The following DIP2C variants were observed in gnomAD, a reference collection of about 807,000 sequenced individuals.
DIP2C encodes the protein DIP2 acetate--CoA ligase C (putative), also known as disco-interacting protein 2 homolog C.
A neutral mutation model predicts 192.4 loss-of-function variants in DIP2C; 33 were observed. The observed-to-expected ratio is 0.17, with a 90% confidence interval of 0.13 to 0.23. The LOEUF is 0.23. Ranked by LOEUF, DIP2C falls within the 10% of genes least tolerant of loss-of-function variation. The probability of loss-of-function intolerance (pLI) is 1.00; values close to 1 mark genes in which losing one functional copy is unlikely to be tolerated. For missense variants in DIP2C, 1,537 were observed against 2,110.1 expected (o/e 0.73, Z 5.32); for synonymous variants, 979 against 864.1 (o/e 1.13, Z -2.33).
At chr10:397,089 C>T (rs539609045) in intron 10 of DIP2C, among the ~76,000 whole-genome samples, 1 of 152,332 alleles carries the variant, frequency 6.6e-6, no homozygotes, top group South Asian at 2.1e-4. Context: ...GAGATACCCA[C>T]GTGGCAGATG....
intron 1 of DIP2C, among the ~76,000 whole-genome samples, chr10:523,993 G>C (rs1846898215): frequency 2.0e-5 from 3 of 152,326 alleles, no homozygotes; most frequent in African/African-American, 7.2e-5. Flanking sequence ...GGTCAGCAAA[G>C]GGTGGCTGGG....
At chr10:558,921 A>AC in intron 1 of DIP2C, among the ~76,000 whole-genome samples, 1 of 151,574 alleles carries the variant, frequency 6.6e-6, no homozygotes, top group Non-Finnish European at 1.5e-5. Context: ...ACCACGGACC[A>AC]CCCGACCCCT....
chr10:368,672 T>A (rs1216878329), intron 18 of DIP2C, among the ~76,000 whole-genome samples: 5 of 152,220 alleles, frequency 3.3e-5, no homozygotes, highest in Non-Finnish European at 7.4e-5. Flanking sequence ...CGAGGGTCCC[T>A]GCTGAGGCCC....
intron 24 of DIP2C, among the ~76,000 whole-genome samples, chr10:351,195 A>G (rs1958792075): frequency 6.6e-6 from 1 of 152,170 alleles, no homozygotes; most frequent in Non-Finnish European, 1.5e-5. Flanking sequence ...CGCACGGACG[A>G]ACAGTATCTG....
Position 625,226 on chromosome 10 carries a change from C to G in DIP2C, c.85+64268G>C, listed in dbSNP as rs977658848. Among the ~76,000 whole-genome samples the G allele has an allele frequency of 2.6e-5, 4 of 152,300 alleles. No homozygotes were observed. The East Asian group carries it at 7.7e-4, about 29-fold the overall frequency. On this transcript the variant is annotated intron_variant, in intron 1 of 36. Transcript: ENST00000280886. ...AACAAGCCCTTCATTATCACGGCCG[C>G]AAGCCTCTGCGCAGCCCTCCTCCCC... is the stretch of plus-strand genomic sequence containing the variant.
At chr10:505,094 G>A (rs1234504656) in intron 1 of DIP2C, among the ~76,000 whole-genome samples, 1 of 152,152 alleles carries the variant, frequency 6.6e-6, no homozygotes, top group African/African-American at 2.4e-5. Flanking sequence ...CTGCAGCCCA[G>A]CACCCTTCCC....
intron 1 of DIP2C, among the ~76,000 whole-genome samples, chr10:598,217 C>T (rs1851834491): frequency 6.6e-6 from 1 of 152,188 alleles, no homozygotes; most frequent in African/African-American, 2.4e-5. Flanking sequence ...CCACCAAGGG[C>T]CACGAGGGCC....
At chr10:583,235 A>AGG in intron 1 of DIP2C, among the ~76,000 whole-genome samples, 1 of 152,240 alleles carries the variant, frequency 6.6e-6, no homozygotes, top group East Asian at 1.9e-4. Context: ...TGAAAAGCCA[A>AGG]GGGGCATGCA....
chr10:650,471 G>A, intron 1 of DIP2C: 1 of 705,476 alleles, frequency 1.4e-6, no homozygotes, highest in South Asian at 1.5e-5. Context: ...GTTCCTAAGA[G>A]AGTCCACGGC....
chr10:459,385 G>A (rs1472498201), intron 3 of DIP2C, among the ~76,000 whole-genome samples: 3 of 152,082 alleles, frequency 2.0e-5, no homozygotes, highest in East Asian at 1.9e-4. Flanking sequence ...ACACGGGACC[G>A]GGACATTCTA....
Position 588,711 on chromosome 10 carries a change from G to A in DIP2C, c.85+100783C>T, listed in dbSNP as rs372866484. 2.8e-4 allele frequency among the ~76,000 whole-genome samples: 43 copies of A among 152,336 alleles called. 2 individuals carry two copies. The East Asian group carries it at 6.2e-3, about 22-fold the overall frequency. The stretch of plus-strand genomic sequence containing the variant: ...CAGCCTTCGAGCTCCTCCAGCTGCC[G>A]TCCCGCAGGCGGGGAGGGTGGTGCC... On this transcript the variant is annotated intron_variant, in intron 1 of 36. Coordinates refer to ENST00000280886, the MANE Select transcript of DIP2C (RefSeq NM_014974.3).
At chr10:379,376 G>A (rs904582310) in intron 17 of DIP2C, among the ~76,000 whole-genome samples, 1 of 151,944 alleles carries the variant, frequency 6.6e-6, no homozygotes, top group Non-Finnish European at 1.5e-5. Flanking sequence ...AGAACTTTCC[G>A]ACATGCTCTG....
At chr10:296,364 C>T (rs59135992) in intron 32 of DIP2C, among the ~76,000 whole-genome samples, 76 of 147,868 alleles carry the variant, frequency 5.1e-4, no homozygotes, top group African/African-American at 1.8e-3. Flanking sequence ...GTTAGAATGG[C>T]AATCATTAAA....
intron 29 of DIP2C, 28 bp from the exon 30 acceptor site, chr10:329,629 CGGG>C: frequency 2.5e-6 from 4 of 1,603,024 alleles, no homozygotes; most frequent in Non-Finnish European, 3.4e-6. Context: ...GCTGTCAGGG[CGGG>C]AGCTCAGCAA....
intron 1 of DIP2C, among the ~76,000 whole-genome samples, chr10:507,545 G>A (rs952981499): frequency 7.9e-5 from 12 of 152,218 alleles, no homozygotes; most frequent in East Asian, 3.9e-4. Flanking sequence ...AATCAGAGGC[G>A]TGCGAGGTTA....
chr10:381,766 C>T (rs184191246), intron 17 of DIP2C, among the ~76,000 whole-genome samples: 128 of 152,256 alleles, frequency 8.4e-4, no homozygotes, highest in African/African-American at 2.9e-3. Context: ...CTCCTGCACT[C>T]ACTCTACACT....
chr10:546,010 G>A (rs893743473), intron 1 of DIP2C, among the ~76,000 whole-genome samples: 5 of 152,126 alleles, frequency 3.3e-5, no homozygotes, highest in African/African-American at 1.2e-4. Flanking sequence ...GGCATGGTGG[G>A]CTTATGCCTG....
chr10:530,092 C>T (rs557795395), intron 1 of DIP2C, among the ~76,000 whole-genome samples: 53 of 152,366 alleles, frequency 3.5e-4, no homozygotes, highest in African/African-American at 1.1e-3. Context: ...CGCCTGCCGC[C>T]GTCTAAGTGA....
At chr10:486,809 T>C (rs1844052199) in intron 1 of DIP2C, among the ~76,000 whole-genome samples, 1 of 152,188 alleles carries the variant, frequency 6.6e-6, no homozygotes, top group African/African-American at 2.4e-5. Context: ...ACCCCTGCCA[T>C]CTCATCCCCA....
Sources: allele counts gnomAD v4.1 joint callset (sites outside exome capture counted in the v4.1 genomes callset), GRCh38; gene constraint gnomAD v4.1.1; transcripts MANE v1.5; gene names NCBI Gene and HGNC (gene_info 2026-07-23, HGNC 2026-07-21).